PRSS36: variants seen among roughly 807,000 people sequenced by gnomAD.
PRSS36 encodes serine protease 36, also known as polyserase-2.
Under a neutral mutation model 94.3 loss-of-function variants are expected in PRSS36, and 90 were observed. That is an observed-to-expected ratio of 0.95 (90% CI 0.80 to 1.14). The LOEUF (loss-of-function observed/expected upper bound fraction) is 1.14, where lower values mean the gene tolerates loss of function less well. PRSS36 is among the 50% of genes most tolerant of loss of function. The pLI is 0.00. For missense variants in PRSS36, 1,158 were observed against 1,135.0 expected, an observed-to-expected ratio of 1.02 and a Z score of -0.29; for synonymous variants, 500 against 489.6, an observed-to-expected ratio of 1.02 and a Z score of -0.28.
At chr16:31,144,735 A>G (rs1389563264) in intron 6 of PRSS36, among the ~76,000 whole-genome samples, 2 of 151,948 alleles carry the variant, frequency 1.3e-5, no homozygotes, top group Admixed American at 1.3e-4. Flanking sequence ...GTTTGCAGTG[A>G]GCCAAGATCG....
rs376932131 is a variant in PRSS36 at position 31,142,810 on chromosome 16, G to A, written c.1284C>T (p.Pro428=). 3.6e-5 allele frequency: 55 copies of A among 1,522,840 alleles called. No homozygotes were observed. The highest frequency in any genetic ancestry group is 8.7e-5 in the South Asian group (7 of 80,556). 94.3% of individuals were successfully genotyped at this position (1,522,840 alleles called of 1,614,324 possible). Residue 428 remains proline, a synonymous_variant, in exon 9 of 15, where the codon CCC becomes CCT. Coordinates refer to ENST00000268281, the MANE Select transcript of PRSS36 (RefSeq NM_173502.5). The part of the protein sequence containing the change: ...TPVNLSAASR[P]VCLPHPEHYF... The stretch of plus-strand genomic sequence containing the variant: ...AGTGTTCCGGGTGGGGTAGGCACAC[G>A]GGCCGCGAAGCCGCGCTCAGGTTCA...
chr16:31,145,680 G>T, intron 6 of PRSS36, 109 bp downstream of exon 6: 4 of 1,098,024 alleles, frequency 3.6e-6, no homozygotes, highest in Non-Finnish European at 3.9e-6. Context: ...CCCATCCCTT[G>T]GCAATCTTGC....
At chr16:31,147,370 C>T (rs905203267) in intron 5 of PRSS36, among the ~76,000 whole-genome samples, 1 of 152,160 alleles carries the variant, frequency 6.6e-6, no homozygotes, top group African/African-American at 2.4e-5. Flanking sequence ...CTTCCTGGGG[C>T]TCACAGTGAC....
chr16:31,147,137 T>C (rs1376752364), intron 5 of PRSS36, among the ~76,000 whole-genome samples: 2 of 151,978 alleles, frequency 1.3e-5, no homozygotes, highest in Non-Finnish European at 2.9e-5. Context: ...CTTAAGGTCT[T>C]CATGGCCGGG....
At chr16:31,145,716 G>A in intron 6 of PRSS36, 73 bp downstream of exon 6, 7 of 1,439,804 alleles carry the variant, frequency 4.9e-6, no homozygotes, top group South Asian at 1.3e-5. Context: ...GAGGCTTGGA[G>A]AGATGTCCTT....
At chr16:31,146,538 G>T (rs907141751) in intron 5 of PRSS36, among the ~76,000 whole-genome samples, 2 of 152,122 alleles carry the variant, frequency 1.3e-5, no homozygotes, top group African/African-American at 4.8e-5. Context: ...CTCAAGTTCA[G>T]TTCTGATCTC....
intron 5 of PRSS36, among the ~76,000 whole-genome samples, chr16:31,146,387 T>C (rs1054138110): frequency 3.9e-5 from 6 of 152,102 alleles, no homozygotes; most frequent in African/African-American, 1.4e-4. Context: ...TCCAGTCAGT[T>C]CCCAGTTCAT....
intron 8 of PRSS36, 92 bp from the exon 9 acceptor site, chr16:31,143,085 T>G: frequency 1.5e-6 from 2 of 1,372,230 alleles, no homozygotes; most frequent in South Asian, 3.2e-5. Flanking sequence ...GCGAGGATCC[T>G]GCATCCTGGC....
At chr16:31,145,257 T>C (rs1370324308) in intron 6 of PRSS36, among the ~76,000 whole-genome samples, 1 of 137,922 alleles carries the variant, frequency 7.3e-6, no homozygotes, top group Non-Finnish European at 1.6e-5. Flanking sequence ...TCTGTGGTCC[T>C]AGCTACTCGG....
chr16:31,140,554 G>A lies in PRSS36; in HGVS notation c.2105C>T (p.Pro702Leu), dbSNP rs777568973. The A allele has an allele frequency of 8.2e-6, 13 of 1,587,320 alleles. No individual in the cohort carries two copies. The highest frequency in any genetic ancestry group is 7.7e-6 in the Non-Finnish European group (9 of 1,166,300). ...SPSALPICLHPAGIPPGASCW... is the reference protein window; with the variant it reads ...SPSALPICLHLAGIPPGASCW... The stretch of plus-strand genomic sequence containing the variant: ...GCTGGCCCCCGGGGGGATACCCGCC[G>A]GGTGGAGACAGATGGGCAGGGCTGA... Residue 702 changes from proline to leucine, a missense_variant, in exon 13 of 15, where the codon CCG (proline) becomes CTG (leucine). By Grantham distance (98) the Pro-to-Leu change is moderately conservative. Transcript: ENST00000268281.
At chr16:31,141,692 A>C (rs759326833) in intron 11 of PRSS36, 31 bp downstream of exon 11, 39 of 1,607,726 alleles carry the variant, frequency 2.4e-5, no homozygotes, top group Middle Eastern at 3.3e-4. Flanking sequence ...CACTCCCAGG[A>C]GCCCCTAGGG....
rs764154125 is a variant in PRSS36 at position 31,139,424 on chromosome 16, G to A, written c.2290-8C>T. On this transcript the variant is annotated splice_polypyrimidine_tract_variant and splice_region_variant and intron_variant, in intron 14 of 14. Coordinates refer to ENST00000268281, the MANE Select transcript of PRSS36 (RefSeq NM_173502.5). ...GGGCGGTGCTGAGGTCATCTGCAGA[G>A]TTGGAGCGAGGCCACGTGGGTCTGC... The A allele has an allele frequency of 6.2e-7, 1 of 1,610,392 alleles. No individual in the cohort carries two copies. Among genetic ancestry groups the A allele is most frequent in the Non-Finnish European group, 8.5e-7 (1 of 1,177,466 alleles).
intron 5 of PRSS36, among the ~76,000 whole-genome samples, chr16:31,148,083 T>C (rs1411201222): frequency 6.6e-6 from 1 of 152,100 alleles, no homozygotes; most frequent in Non-Finnish European, 1.5e-5. Context: ...AAGTGCTTTG[T>C]CTGACATGTT....
intron 5 of PRSS36, among the ~76,000 whole-genome samples, chr16:31,147,183 CT>C (rs1294217947): frequency 2.6e-5 from 4 of 151,970 alleles, no homozygotes; most frequent in Admixed American, 6.6e-5. Context: ...GCCTGTACCC[CT>C]CTCACTCCAG....
At chr16:31,139,503 T>G in intron 14 of PRSS36, 87 bp from the exon 15 acceptor site, 1 of 1,479,158 alleles carries the variant, frequency 6.8e-7, no homozygotes, top group Non-Finnish European at 9.2e-7. Flanking sequence ...CACGAAGCAC[T>G]CTGGTCTGCA....
chr16:31,146,670 C>A (rs931690881), intron 5 of PRSS36, among the ~76,000 whole-genome samples: 2 of 152,152 alleles, frequency 1.3e-5, no homozygotes, highest in African/African-American at 4.8e-5. Flanking sequence ...AGACAGAACT[C>A]CTTCCCCAAC....
At position 31,142,486 on chromosome 16, in the gene PRSS36, A is replaced by G. The variant is rs1596845885; in HGVS notation, c.1516T>C (p.Cys506Arg). The G allele has an allele frequency of 2.7e-6, 4 of 1,471,576 alleles. No homozygotes were observed. Among genetic ancestry groups the G allele is most frequent in the Admixed American group, 2.4e-5 (1 of 40,914 alleles). The allele number at this position is 1,471,576 out of a possible 1,614,324, so 91.2% of individuals were successfully genotyped here. A position where few individuals can be genotyped will look rare whatever the true frequency, so the allele number is the denominator to read the frequency against. The change falls in exon 10 of 15, where the codon TGC becomes CGC. Residue 506 changes from cysteine to arginine, a missense_variant. Cys to Arg is a radical substitution (Grantham distance 180). Transcript: ENST00000268281. ...AYQEKEEVGS[C>R]WNDSRWSLLC... ...GCCCCGCCCCCGCCGCTTACCCAGC[A>G]GCTGCCCACCTCCTCCTTTTCCTGG...
chr16:31,140,470 TC>T, intron 13 of PRSS36, 21 bp downstream of exon 13: 1 of 1,597,008 alleles, frequency 6.3e-7, no homozygotes, highest in African/African-American at 1.3e-5. Flanking sequence ...TACTCCTCGT[TC>T]CCGTGACCCA....
Position 31,142,425 on chromosome 16 carries a change from C to T in PRSS36, c.1521+56G>A, listed in dbSNP as rs991882834. 8.5e-6 allele frequency: 12 copies of T among 1,408,194 alleles called. No individual in the cohort carries two copies. In the South Asian group the frequency reaches 1.8e-4, roughly 21 times the overall value. The allele number at this position is 1,408,194 out of a possible 1,614,324, so 87.2% of individuals were successfully genotyped here. ...GGACTCGCCTTCCACAGGCCCCGCC[C>T]TCTTCCTAGAGCCCTCTCGGGCCCG... On this transcript the variant is annotated intron_variant, in intron 10 of 14. Transcript: ENST00000268281.
Sources: allele counts gnomAD v4.1 joint callset (sites outside exome capture counted in the v4.1 genomes callset), GRCh38; gene constraint gnomAD v4.1.1; transcripts MANE v1.5; gene names NCBI Gene and HGNC (gene_info 2026-07-23, HGNC 2026-07-21).